PHF14: variants seen among roughly 807,000 people sequenced by gnomAD.
PHF14 encodes the protein PHD finger protein 14.
Under a neutral mutation model 117.9 loss-of-function variants are expected in PHF14, and 55 were observed. The observed-to-expected ratio is 0.47, with a 90% CI of 0.38 to 0.58. The LOEUF is 0.58. Ranked by LOEUF, PHF14 falls within the 20% of genes least tolerant of loss-of-function variation. The probability of loss-of-function intolerance (pLI) is 0.00; values close to 1 mark genes in which losing one functional copy is unlikely to be tolerated. For missense variants in PHF14, 978 were observed against 1,122.2 expected, an observed-to-expected ratio of 0.87 and a Z score of 1.84; for synonymous variants, 409 against 368.6, an observed-to-expected ratio of 1.11 and a Z score of -1.26.
chr7:11,129,141 C>T (rs890825550), intron 17 of PHF14, among the ~76,000 whole-genome samples: 2 of 152,016 alleles, frequency 1.3e-5, no homozygotes, highest in Middle Eastern at 3.2e-3. Context: ...AGCCTATTTT[C>T]TCTTAGTTGT....
Position 11,054,021 on chromosome 7 carries a change from T to G in PHF14, c.2481+2241T>G, listed in dbSNP as rs1784934246. Reference sequence around the variant, plus strand: ...TAGAAATTCCAATGCATGTTGAAGCTCCAAAAAAAAAAAATCCTAATATTT... The same window carrying G: ...TAGAAATTCCAATGCATGTTGAAGCGCCAAAAAAAAAAAATCCTAATATTT... On this transcript the variant is annotated intron_variant, in intron 14 of 17. Transcript: ENST00000634607. 2.0e-5 allele frequency among the ~76,000 whole-genome samples: 3 copies of G among 150,840 alleles called. No individual in the cohort carries two copies. In the South Asian group the frequency reaches 6.3e-4, roughly 31 times the overall value.
At chr7:11,094,962 A>AGTT (rs540545916) in intron 16 of PHF14, among the ~76,000 whole-genome samples, 125 of 151,690 alleles carry the variant, frequency 8.2e-4, no homozygotes, top group African/African-American at 2.6e-3. Flanking sequence ...TGTTATTTCC[A>AGTT]GTTGTTGTTG....
intron 4 of PHF14, among the ~76,000 whole-genome samples, chr7:11,003,063 C>G (rs1405423351): frequency 6.6e-6 from 1 of 152,156 alleles, no homozygotes; most frequent in Non-Finnish European, 1.5e-5. Context: ...GCCTCAGCCT[C>G]CCAAGTAGCT....
chr7:10,998,327 T>C (rs1257266661), intron 4 of PHF14, among the ~76,000 whole-genome samples: 2 of 151,910 alleles, frequency 1.3e-5, no homozygotes, highest in Non-Finnish European at 2.9e-5. Flanking sequence ...TAGCAGAGAG[T>C]GGGACAGTGG....
intron 17 of PHF14, among the ~76,000 whole-genome samples, chr7:11,121,618 G>A (rs1253233113): frequency 1.3e-5 from 2 of 152,094 alleles, no homozygotes; most frequent in Non-Finnish European, 2.9e-5. Flanking sequence ...GCACTTCGGG[G>A]TTGTTACTAA....
intron 6 of PHF14, 64 bp from the exon 7 acceptor site, chr7:11,028,617 G>A: frequency 7.0e-7 from 1 of 1,436,468 alleles, no homozygotes; most frequent in South Asian, 1.2e-5. Context: ...CACTTTGTAT[G>A]AGAATGCAGT....
chr7:11,084,186 A>C (rs1562457677), intron 16 of PHF14, among the ~76,000 whole-genome samples: 1 of 152,238 alleles, frequency 6.6e-6, no homozygotes, highest in Middle Eastern at 3.2e-3. Context: ...TACAGAACTT[A>C]AACTTCAAAA....
intron 17 of PHF14, among the ~76,000 whole-genome samples, chr7:11,139,964 C>G (rs1788351949): frequency 6.6e-6 from 1 of 152,096 alleles, no homozygotes; most frequent in South Asian, 2.1e-4. Context: ...GCCTAACAGG[C>G]TGGTTTGTTG....
At chr7:10,991,535 C>G (rs1562564809) in intron 4 of PHF14, among the ~76,000 whole-genome samples, 1 of 152,088 alleles carries the variant, frequency 6.6e-6, no homozygotes, top group Non-Finnish European at 1.5e-5. Context: ...GTCTCAAACT[C>G]CTGACTTTAA....
intron 16 of PHF14, among the ~76,000 whole-genome samples, chr7:11,076,266 G>A (rs2128334873): frequency 6.6e-6 from 1 of 152,308 alleles, no homozygotes; most frequent in Non-Finnish European, 1.5e-5. Flanking sequence ...TTTGATAAAT[G>A]TAATTTGTTA....
intron 17 of PHF14, among the ~76,000 whole-genome samples, chr7:11,135,263 GA>G (rs1439797799): frequency 6.6e-6 from 1 of 152,046 alleles, no homozygotes; most frequent in Admixed American, 6.6e-5. Flanking sequence ...CAGGGCTTTT[GA>G]GGGGGGGTTC....
At chr7:10,986,617 G>C (rs1737440210) in intron 3 of PHF14, among the ~76,000 whole-genome samples, 1 of 152,104 alleles carries the variant, frequency 6.6e-6, no homozygotes, top group Admixed American at 6.6e-5. Flanking sequence ...ATAACCTTAT[G>C]GCATTTTTTA....
chr7:11,040,822 T>C, intron 12 of PHF14, 47 bp downstream of exon 12: 1 of 872,870 alleles, frequency 1.1e-6, no homozygotes, highest in Non-Finnish European at 1.7e-6. Context: ...TGTATTTTTT[T>C]AAACTGATAC....
intron 7 of PHF14, 177 bp from the exon 8 acceptor site, chr7:11,035,463 T>G (rs1583395392): frequency 5.4e-6 from 2 of 370,722 alleles, no homozygotes; most frequent in East Asian, 7.9e-5. Flanking sequence ...ACATACAAGA[T>G]CAAGTTTCTA....
chr7:11,090,441 A>G (rs1232368032), intron 16 of PHF14, among the ~76,000 whole-genome samples: 1 of 152,156 alleles, frequency 6.6e-6, no homozygotes, highest in Non-Finnish European at 1.5e-5. Context: ...CCAGACCCAT[A>G]TTTTCCTTTT....
In PHF14 at chr7:10,983,117, G is replaced by C; in HGVS notation, c.858G>C (p.Leu286=). Residue 286 remains leucine, a synonymous_variant, in exon 3 of 18, where the codon CTG becomes CTC. Coordinates refer to ENST00000634607, the MANE Select transcript of PHF14 (RefSeq NM_001007157.2). Reference sequence around the variant, plus strand: ...GAAACAGTGCTGATGATGAGGAACTGACCAATGATAGCCTGACCCTATCTC... The same window carrying C: ...GAAACAGTGCTGATGATGAGGAACTCACCAATGATAGCCTGACCCTATCTC... The part of the protein sequence containing the change: ...LSRNSADDEE[L]TNDSLTLSQS... 6.3e-7 allele frequency: 1 copy of C among 1,599,148 alleles called. No individual in the cohort carries two copies.
intron 13 of PHF14, among the ~76,000 whole-genome samples, chr7:11,050,638 A>G (rs1343625973): frequency 6.6e-6 from 1 of 152,170 alleles, no homozygotes; most frequent in Admixed American, 6.5e-5. Flanking sequence ...GCTAGTGGCC[A>G]CTGTTCTGGA....
intron 16 of PHF14, chr7:11,105,635 C>T (rs1345265484): frequency 9.1e-6 from 9 of 984,400 alleles, no homozygotes; most frequent in Admixed American, 6.2e-5. Context: ...TGAATCAGCA[C>T]TTTGTAAGTT....
intron 6 of PHF14, among the ~76,000 whole-genome samples, chr7:11,025,315 A>G (rs1035189355): frequency 6.6e-6 from 1 of 152,186 alleles, no homozygotes. Context: ...TAAAATTACA[A>G]CAAAAGACTT....
Sources: gnomAD v4.1 joint callset for allele counts (sites outside exome capture counted in the v4.1 genomes callset) on GRCh38, gnomAD v4.1.1 for gene constraint, MANE v1.5 for transcripts, NCBI Gene and HGNC (gene_info 2026-07-23, HGNC 2026-07-21) for gene names.